Variants in EPC2 observed in about 807,000 individuals in gnomAD.
EPC2 encodes the protein enhancer of polycomb homolog 2.
EPC2 carries 14 observed loss-of-function variants against 92.1 expected under a neutral mutation model. That is an observed-to-expected ratio of 0.15 (90% CI 0.10 to 0.24). The LOEUF (loss-of-function observed/expected upper bound fraction) is 0.24, where lower values mean the gene tolerates loss of function less well. Ranked by LOEUF, EPC2 falls within the 10% of genes least tolerant of loss-of-function variation. The pLI, the probability that EPC2 is intolerant of heterozygous loss-of-function variation, is 1.00. For synonymous variants in EPC2, 340 were observed against 334.7 expected (o/e 1.02, Z -0.17); for missense variants, 755 against 971.5 (o/e 0.78, Z 2.96).
At position 148,731,985 on chromosome 2, in the gene EPC2, T is replaced by C. The variant is rs150269759; in HGVS notation, c.314-11637T>C. On this transcript the variant is annotated intron_variant, in intron 2 of 13. Transcript: ENST00000258484. ...ATTGTTCATTTACTAATTGGTAAGATTTATAAACAGTATCTCATTTATTTA... is the reference window on the plus strand; with the variant it reads ...ATTGTTCATTTACTAATTGGTAAGACTTATAAACAGTATCTCATTTATTTA... Among the ~76,000 whole-genome samples the C allele has an allele frequency of 4.4e-3, 675 of 152,314 alleles. 3 individuals are homozygous for C. The highest frequency in any genetic ancestry group is 7.9e-3 in the Non-Finnish European group (536 of 68,028).
At chr2:148,757,628 G>A (rs1280625317) in intron 4 of EPC2, among the ~76,000 whole-genome samples, 2 of 151,592 alleles carry the variant, frequency 1.3e-5, no homozygotes, top group African/African-American at 2.4e-5. Context: ...ACCTGAGGTC[G>A]GGAGTTCAAG....
At chr2:148,692,780 C>T (rs1167155053) in intron 2 of EPC2, 3 of 152,042 alleles carry the variant, frequency 2.0e-5, no homozygotes, top group Non-Finnish European at 4.4e-5. Flanking sequence ...AACTAAAAAT[C>T]GGGTGTAACT....
chr2:148,779,246 A>G (rs77064545), intron 10 of EPC2, among the ~76,000 whole-genome samples: 60 of 152,320 alleles, frequency 3.9e-4, no homozygotes, highest in Non-Finnish European at 7.2e-4. Context: ...TTTGTTATCT[A>G]TGGTCTACCA....
At chr2:148,654,922 T>C (rs913114725) in intron 1 of EPC2, among the ~76,000 whole-genome samples, 2 of 152,186 alleles carry the variant, frequency 1.3e-5, no homozygotes, top group Non-Finnish European at 2.9e-5. Flanking sequence ...TAGTTAGTTA[T>C]GGGAAAGATA....
intron 3 of EPC2, among the ~76,000 whole-genome samples, chr2:148,752,418 G>A (rs73005661): frequency 0.011 from 1,652 of 152,212 alleles, 25 homozygotes; most frequent in African/African-American, 0.035. Context: ...CACCATTCCG[G>A]AGAACTCCAG....
chr2:148,771,000 G>A (rs771168518), intron 9 of EPC2, 44 bp from the exon 10 acceptor site: 97 of 1,594,648 alleles, frequency 6.1e-5, no homozygotes, highest in Non-Finnish European at 7.8e-5. Flanking sequence ...AAGAGAACAT[G>A]TTCAGCTCTC....
chr2:148,757,986 A>T (rs1191820654), intron 4 of EPC2, among the ~76,000 whole-genome samples: 1 of 152,210 alleles, frequency 6.6e-6, no homozygotes, highest in Admixed American at 6.5e-5. Context: ...CACACAGTTT[A>T]TTATGCCAGA....
chr2:148,663,591 GATTTTTT>G (rs1680991897), intron 1 of EPC2, among the ~76,000 whole-genome samples: 1 of 97,828 alleles, frequency 1.0e-5, no homozygotes, highest in Admixed American at 1.3e-4. Context: ...TATAGATTAA[GATTTTTT>G]TTTTTTTTTT....
chr2:148,753,993 G>C lies in EPC2; in HGVS notation c.526G>C (p.Asp176His). Residue 176 changes from aspartate (D) to histidine (H), a missense_variant, in exon 4 of 14, where the codon GAC becomes CAC. By Grantham distance (81) the Asp-to-His change is moderately conservative (BLOSUM62 -1). This residue lies in a region of EPC2 where 509 missense variants were observed against 607.7 expected (regional missense o/e 0.84). Transcript: ENST00000258484. ...EDDYLIKAVY[D>H]YWVRKRKNCR... is the part of the protein sequence containing the mutation. ...TGATTACCTTATTAAAGCTGTATAT[G>C]ACTACTGGGTGAGAAAACGTAAAAA... The C allele has an allele frequency of 6.2e-7, 1 of 1,612,152 alleles. No individual in the cohort carries two copies. Among genetic ancestry groups the C allele is most frequent in the Non-Finnish European group, 8.5e-7 (1 of 1,179,162 alleles).
In EPC2 at chr2:148,748,860, G is replaced by C. The variant is rs181869479; in HGVS notation, c.460-5067G>C. On this transcript the variant is annotated intron_variant, in intron 3 of 13. Coordinates refer to ENST00000258484, the MANE Select transcript of EPC2 (RefSeq NM_015630.4). ...CATTTCAGATTTATAGATTAGAGCT[G>C]CTCAACCTGTATTTGTTGCCTGTAC... Among the ~76,000 whole-genome samples the C allele has an allele frequency of 1.9e-3, 286 of 152,156 alleles. 2 individuals carry two copies. The highest frequency in any genetic ancestry group is 6.6e-3 in the African/African-American group (274 of 41,518).
intron 1 of EPC2, among the ~76,000 whole-genome samples, chr2:148,675,975 A>G (rs1280219546): frequency 1.3e-5 from 2 of 152,168 alleles, no homozygotes; most frequent in African/African-American, 2.4e-5. Context: ...GCGCCAGACA[A>G]GGATTCAAAT....
At chr2:148,780,442 A>G (rs1397676338) in intron 10 of EPC2, among the ~76,000 whole-genome samples, 1 of 152,174 alleles carries the variant, frequency 6.6e-6, no homozygotes, top group African/African-American at 2.4e-5. Context: ...GTGTGATCCT[A>G]TTCAACAGAA....
At chr2:148,648,534 A>G (rs545556351) in intron 1 of EPC2, among the ~76,000 whole-genome samples, 31 of 152,326 alleles carry the variant, frequency 2.0e-4, no homozygotes, top group Non-Finnish European at 3.1e-4. Context: ...AAACAAACCA[A>G]CCTTGGCTTA....
chr2:148,734,096 T>A (rs993326135), intron 2 of EPC2, among the ~76,000 whole-genome samples: 2 of 152,356 alleles, frequency 1.3e-5, no homozygotes, highest in Middle Eastern at 3.4e-3. Flanking sequence ...ACTTCTTTTT[T>A]GCTTTAAATT....
chr2:148,657,769 G>A (rs760484005), intron 1 of EPC2, among the ~76,000 whole-genome samples: 4 of 152,086 alleles, frequency 2.6e-5, no homozygotes, highest in East Asian at 3.8e-4. Context: ...AGGGATTGGC[G>A]TGTGTGCCCA....
In EPC2 at chr2:148,715,025, G is replaced by GTT. The variant is rs60115354; in HGVS notation, c.313+24676_313+24677dup. Reference sequence around the variant, plus strand: ...GGTATCGCCTAGATTTTCTTCTAGGGTTTTTTTTTTTTTTTTTTTTTTTTT... The same window carrying GTT: ...GGTATCGCCTAGATTTTCTTCTAGGGTTTTTTTTTTTTTTTTTTTTTTTTTTT... On this transcript the variant is annotated intron_variant, in intron 2 of 13. Coordinates refer to ENST00000258484, the MANE Select transcript of EPC2 (RefSeq NM_015630.4). Among the ~76,000 whole-genome samples, 408 of 86,866 alleles carry GTT rather than the reference G, an allele frequency of 4.7e-3. 2 individuals are homozygous for GTT. Among genetic ancestry groups the GTT allele is most frequent in the African/African-American group, 0.016 (309 of 19,056 alleles). The allele number at this position is 86,866 out of a possible 152,430, so 57.0% of individuals were successfully genotyped here. A position where few individuals can be genotyped will look rare whatever the true frequency, so the allele number is the denominator to read the frequency against.
At chr2:148,647,788 A>G (rs551800297) in intron 1 of EPC2, among the ~76,000 whole-genome samples, 1 of 151,928 alleles carries the variant, frequency 6.6e-6, no homozygotes, top group African/African-American at 2.4e-5. Context: ...ACGTGCCACT[A>G]TGCCCAGCTA....
At chr2:148,645,448 G>A in intron 1 of EPC2, 1 of 394,414 alleles carries the variant, frequency 2.5e-6, no homozygotes, top group Non-Finnish European at 4.6e-6. Context: ...CGGGAATGGC[G>A]CAGGGGATGC....
At chr2:148,770,646 A>G (rs930233404) in intron 8 of EPC2, 146 bp from the exon 9 acceptor site, 41 of 908,046 alleles carry the variant, frequency 4.5e-5, no homozygotes, top group East Asian at 1.5e-4. Flanking sequence ...TTAATAGTCA[A>G]TGAAGCCCCA....
Sources: allele counts gnomAD v4.1 joint callset (sites outside exome capture counted in the v4.1 genomes callset), GRCh38; gene constraint gnomAD v4.1.1; regional missense constraint gnomAD v4.1.1; transcripts MANE v1.5; gene names NCBI Gene and HGNC (gene_info 2026-07-23, HGNC 2026-07-21).